The following GPR107 variants were observed in gnomAD, a reference collection of about 807,000 sequenced individuals.
GPR107 encodes the protein G protein-coupled receptor 107.
A neutral mutation model predicts 75.5 loss-of-function variants in GPR107; 31 were observed. The observed-to-expected ratio is 0.41, with a 90% confidence interval of 0.31 to 0.55. GPR107 has a LOEUF of 0.55. Among genes scored for constraint, GPR107 ranks in the 20% least tolerant of loss-of-function variants. The pLI is 0.26. For missense variants in GPR107, 572 were observed against 665.7 expected, an observed-to-expected ratio of 0.86 and a Z score of 1.55; for synonymous variants, 267 against 251.3, an observed-to-expected ratio of 1.06 and a Z score of -0.59.
intron 17 of GPR107, among the ~76,000 whole-genome samples, chr9:130,130,516 G>A (rs1439710271): frequency 6.6e-6 from 1 of 152,154 alleles, no homozygotes; most frequent in East Asian, 1.9e-4. Flanking sequence ...GGGACTAATA[G>A]ACTTGTCTCT....
chr9:130,073,268 C>G (rs547988064), intron 1 of GPR107, among the ~76,000 whole-genome samples: 27 of 152,320 alleles, frequency 1.8e-4, no homozygotes, highest in Admixed American at 2.0e-4. Context: ...GAATGAAGCC[C>G]TAATGTGCTA....
intron 1 of GPR107, among the ~76,000 whole-genome samples, chr9:130,072,527 G>T (rs924699034): frequency 2.0e-5 from 3 of 151,554 alleles, no homozygotes; most frequent in Non-Finnish European, 4.4e-5. Context: ...CCTTGATCTC[G>T]AACTCTTGAC....
intron 17 of GPR107, among the ~76,000 whole-genome samples, chr9:130,130,893 A>AC (rs60834054): frequency 6.7e-6 from 1 of 150,118 alleles, no homozygotes; most frequent in Non-Finnish European, 1.5e-5. Flanking sequence ...AAAAAAAAAA[A>AC]CGCATGAATC....
chr9:130,124,365 C>T (rs1831622464), intron 14 of GPR107, among the ~76,000 whole-genome samples: 1 of 152,128 alleles, frequency 6.6e-6, no homozygotes, highest in Non-Finnish European at 1.5e-5. Context: ...AAGGTAGGAT[C>T]CAGCCAGGGA....
At chr9:130,068,358 C>G (rs1470449078) in intron 1 of GPR107, among the ~76,000 whole-genome samples, 1 of 151,004 alleles carries the variant, frequency 6.6e-6, no homozygotes, top group East Asian at 2.0e-4. Flanking sequence ...TTTTTTTCTT[C>G]TCTTTTTTTA....
At chr9:130,055,087 A>G (rs1829722166) in intron 1 of GPR107, among the ~76,000 whole-genome samples, 1 of 152,204 alleles carries the variant, frequency 6.6e-6, no homozygotes, top group Non-Finnish European at 1.5e-5. Flanking sequence ...TTCTCAAAAC[A>G]TATAAACAAA....
At chr9:130,126,414 C>T (rs1389159309) in intron 15 of GPR107, among the ~76,000 whole-genome samples, 2 of 145,538 alleles carry the variant, frequency 1.4e-5, no homozygotes, top group African/African-American at 2.6e-5. Context: ...GGCGTGATCT[C>T]GGCTCACTGC....
At chr9:130,076,546 A>G (rs981670659) in intron 3 of GPR107, 84 bp downstream of exon 3, 2 of 883,366 alleles carry the variant, frequency 2.3e-6, no homozygotes, top group Admixed American at 1.8e-5. Flanking sequence ...TTGCAGTTCC[A>G]TTTTCATTTT....
At chr9:130,098,483 T>C (rs940569048) in intron 9 of GPR107, among the ~76,000 whole-genome samples, 1 of 152,088 alleles carries the variant, frequency 6.6e-6, no homozygotes, top group Admixed American at 6.6e-5. Flanking sequence ...TTCCTAGGAG[T>C]TCTGTGCTGT....
chr9:130,086,479 A>G lies in GPR107; in HGVS notation c.621+3A>G, dbSNP rs1830618353. 3.3e-6 allele frequency: 5 copies of G among 1,496,436 alleles called. No homozygotes were observed. Among genetic ancestry groups the G allele is most frequent in the Non-Finnish European group, 4.7e-6 (5 of 1,073,290 alleles). 92.7% of individuals were successfully genotyped at this position (1,496,436 alleles called of 1,614,324 possible). Reference sequence around the variant, plus strand: ...ATGGTGGGGCAGTGTCATTTCAGGTATGTATGCTCTTTGTGTAAAGCCTCC... The same window carrying G: ...ATGGTGGGGCAGTGTCATTTCAGGTGTGTATGCTCTTTGTGTAAAGCCTCC... On this transcript the variant is annotated splice_donor_region_variant and intron_variant, in intron 7 of 17. Coordinates refer to ENST00000347136, the MANE Select transcript of GPR107 (RefSeq NM_020960.5).
intron 14 of GPR107, among the ~76,000 whole-genome samples, chr9:130,114,369 G>A (rs1036553357): frequency 2.6e-5 from 4 of 151,682 alleles, no homozygotes; most frequent in African/African-American, 9.7e-5. Context: ...ACTCCGTCTC[G>A]AAAAAATATA....
Position 130,100,622 on chromosome 9 carries a change from A to G in GPR107, c.940-7A>G, listed in dbSNP as rs1327172478. ...AGTGATTCTGAAATGCAGTTGTTTG[A>G]TTTCAGATTGACTACCACTACATCT... is the stretch of plus-strand genomic sequence containing the variant. On this transcript the variant is annotated splice_polypyrimidine_tract_variant and splice_region_variant and intron_variant, in intron 10 of 17. Coordinates refer to ENST00000347136, the MANE Select transcript of GPR107 (RefSeq NM_020960.5). 1 of 1,605,632 alleles carries G rather than the reference A, an allele frequency of 6.2e-7. No homozygotes were observed. Among genetic ancestry groups the G allele is most frequent in the Non-Finnish European group, 8.5e-7 (1 of 1,172,304 alleles).
At chr9:130,063,376 G>C (rs1829979498) in intron 1 of GPR107, among the ~76,000 whole-genome samples, 2 of 152,134 alleles carry the variant, frequency 1.3e-5, no homozygotes, top group Admixed American at 6.6e-5. Flanking sequence ...ATTTTTAGTA[G>C]AGACAGGGTT....
intron 4 of GPR107, among the ~76,000 whole-genome samples, chr9:130,078,107 G>A (rs2132564784): frequency 6.6e-6 from 1 of 151,914 alleles, no homozygotes; most frequent in South Asian, 2.1e-4. Context: ...GGAGCTTGCG[G>A]TGAGCCGAGA....
chr9:130,104,263 G>T (rs1369979804), intron 12 of GPR107, among the ~76,000 whole-genome samples, 157 bp from the exon 13 acceptor site: 1 of 152,186 alleles, frequency 6.6e-6, no homozygotes, highest in Non-Finnish European at 1.5e-5. Flanking sequence ...CTTGATAGCG[G>T]AGTGGCAGAG....
At chr9:130,109,464 C>T (rs2132623217) in intron 14 of GPR107, among the ~76,000 whole-genome samples, 1 of 152,202 alleles carries the variant, frequency 6.6e-6, no homozygotes, top group Admixed American at 6.5e-5. Context: ...AACCACCACG[C>T]CCAGCCTCTT....
chr9:130,074,935 C>T (rs957990923), intron 1 of GPR107, among the ~76,000 whole-genome samples: 1 of 150,902 alleles, frequency 6.6e-6, no homozygotes, highest in Non-Finnish European at 1.5e-5. Flanking sequence ...TACTAGATGC[C>T]AGGCATTGTA....
chr9:130,108,564 A>G lies in GPR107; in HGVS notation c.1306+1025A>G, dbSNP rs115639337. 3.6e-3 allele frequency among the ~76,000 whole-genome samples: 545 copies of G among 152,332 alleles called. 5 individuals carry two copies. Among genetic ancestry groups the G allele is most frequent in the African/African-American group, 0.012 (518 of 41,570 alleles). Reference sequence around the variant, plus strand: ...CCAGTTTGGGCCTGGAACAGATAGTATGGCATTCCTGCTGTCCAGGTTCAC... The same window carrying G: ...CCAGTTTGGGCCTGGAACAGATAGTGTGGCATTCCTGCTGTCCAGGTTCAC... On this transcript the variant is annotated intron_variant, in intron 14 of 17. Coordinates refer to ENST00000347136, the MANE Select transcript of GPR107 (RefSeq NM_020960.5).
intron 1 of GPR107, among the ~76,000 whole-genome samples, chr9:130,064,606 G>A (rs998404993): frequency 7.2e-5 from 11 of 152,216 alleles, no homozygotes; most frequent in Non-Finnish European, 1.5e-4. Flanking sequence ...TGAGTAAGAG[G>A]ATGGATCTGT....
Sources: gnomAD v4.1 joint callset for allele counts (sites outside exome capture counted in the v4.1 genomes callset) on GRCh38, gnomAD v4.1.1 for gene constraint, MANE v1.5 for transcripts, NCBI Gene and HGNC (gene_info 2026-07-23, HGNC 2026-07-21) for gene names.